The following KCNIP4 variants were observed in gnomAD, a reference collection of about 807,000 sequenced individuals.
The protein encoded by KCNIP4 is Kv channel-interacting protein 4.
KCNIP4 carries 12 observed loss-of-function variants against 34.0 expected under a neutral mutation model. The ratio of observed to expected loss-of-function variants is 0.35; its 90% CI spans 0.23 to 0.57. The LOEUF (loss-of-function observed/expected upper bound fraction) is 0.57, where lower values mean the gene tolerates loss of function less well. Ranked by LOEUF, KCNIP4 falls within the 20% of genes least tolerant of loss-of-function variation. The pLI is 0.83. For missense variants in KCNIP4, 238 were observed against 311.7 expected, an observed-to-expected ratio of 0.76 and a Z score of 1.78; for synonymous variants, 124 against 102.2, an observed-to-expected ratio of 1.21 and a Z score of -1.29.
At chr4:21,734,933 T>G (rs906482856) in intron 1 of KCNIP4, among the ~76,000 whole-genome samples, 3 of 152,090 alleles carry the variant, frequency 2.0e-5, no homozygotes, top group African/African-American at 7.2e-5. Context: ...ATAGAATGAC[T>G]TCGCTCCTAT....
chr4:20,977,743 T>C (rs1390116477), intron 1 of KCNIP4, among the ~76,000 whole-genome samples: 2 of 152,208 alleles, frequency 1.3e-5, no homozygotes, highest in African/African-American at 4.8e-5. Flanking sequence ...AAAAATATAG[T>C]TCAATTTTCT....
chr4:20,917,587 A>G (rs1296048635), intron 1 of KCNIP4, among the ~76,000 whole-genome samples: 1 of 152,176 alleles, frequency 6.6e-6, no homozygotes, highest in Admixed American at 6.5e-5. Context: ...ACGAAAATAA[A>G]TAAGATTTTT....
chr4:20,812,882 G>C (rs1411868150), intron 3 of KCNIP4, among the ~76,000 whole-genome samples: 1 of 152,062 alleles, frequency 6.6e-6, no homozygotes, highest in African/African-American at 2.4e-5. Context: ...ATAACCTTGA[G>C]ACAGTGTGGT....
At chr4:21,792,144 T>C (rs1720333193) in intron 1 of KCNIP4, among the ~76,000 whole-genome samples, 1 of 151,952 alleles carries the variant, frequency 6.6e-6, no homozygotes, top group African/African-American at 2.4e-5. Flanking sequence ...ATCTCTCTTG[T>C]TTCTCTCTCT....
At chr4:21,687,199 T>C (rs1261299223) in intron 1 of KCNIP4, among the ~76,000 whole-genome samples, 1 of 137,532 alleles carries the variant, frequency 7.3e-6, no homozygotes, top group African/African-American at 2.7e-5. Context: ...GGGATAGCAT[T>C]GGGAGATATA....
intron 1 of KCNIP4, among the ~76,000 whole-genome samples, chr4:21,177,562 C>A (rs539521225): frequency 6.6e-6 from 1 of 152,162 alleles, no homozygotes; most frequent in East Asian, 1.9e-4. Flanking sequence ...CACAGCGGCT[C>A]ACACCTGTAG....
At chr4:20,813,377 G>T (rs1283729517) in intron 3 of KCNIP4, among the ~76,000 whole-genome samples, 1 of 152,108 alleles carries the variant, frequency 6.6e-6, no homozygotes, top group East Asian at 1.9e-4. Flanking sequence ...AGGCACAAAG[G>T]TGTCATTGAG....
At chr4:21,916,945 G>T (rs902760038) in intron 1 of KCNIP4, among the ~76,000 whole-genome samples, 4 of 152,038 alleles carry the variant, frequency 2.6e-5, no homozygotes, top group African/African-American at 7.2e-5. Flanking sequence ...CTCTCCTCCT[G>T]CACCTCTCTC....
chr4:21,166,125 G>T (rs1272432740), intron 1 of KCNIP4, among the ~76,000 whole-genome samples: 1 of 152,154 alleles, frequency 6.6e-6, no homozygotes, highest in Non-Finnish European at 1.5e-5. Flanking sequence ...CCCAGTCTAA[G>T]GTTTTTTGTT....
At chr4:21,488,398 C>T (rs569762245) in intron 1 of KCNIP4, among the ~76,000 whole-genome samples, 26 of 152,172 alleles carry the variant, frequency 1.7e-4, no homozygotes, top group African/African-American at 6.3e-4. Context: ...TTTAAAACTA[C>T]CATTTTTAAA....
intron 1 of KCNIP4, among the ~76,000 whole-genome samples, chr4:21,106,464 C>T (rs1031515297): frequency 3.5e-4 from 53 of 151,398 alleles, no homozygotes; most frequent in African/African-American, 5.9e-4. Context: ...CATTTTTTAT[C>T]GCATCTATTT....
chr4:21,214,747 T>G (rs1757444736), intron 1 of KCNIP4, among the ~76,000 whole-genome samples: 1 of 152,226 alleles, frequency 6.6e-6, no homozygotes, highest in Non-Finnish European at 1.5e-5. Flanking sequence ...CTACACAGTT[T>G]ATACTTCTTT....
At chr4:21,271,572 C>CA (rs200693858) in intron 1 of KCNIP4, among the ~76,000 whole-genome samples, 321 of 151,350 alleles carry the variant, frequency 2.1e-3, no homozygotes, top group African/African-American at 7.4e-3. Context: ...TGATGGGGTC[C>CA]AAAAAAAAGA....
At chr4:20,994,080 A>G (rs1297064531) in intron 1 of KCNIP4, among the ~76,000 whole-genome samples, 1 of 152,118 alleles carries the variant, frequency 6.6e-6, no homozygotes, top group Non-Finnish European at 1.5e-5. Context: ...TCCACCATAC[A>G]ATTCTTATTT....
intron 1 of KCNIP4, among the ~76,000 whole-genome samples, chr4:21,381,511 A>G (rs1721501919): frequency 6.6e-6 from 1 of 152,156 alleles, no homozygotes; most frequent in African/African-American, 2.4e-5. Flanking sequence ...CTCCCACCCA[A>G]ATCCTTTCAA....
At chr4:21,645,722 G>A (rs770802132) in intron 1 of KCNIP4, among the ~76,000 whole-genome samples, 13 of 152,150 alleles carry the variant, frequency 8.5e-5, no homozygotes, top group Non-Finnish European at 1.6e-4. Context: ...TTTCACGTCT[G>A]TCTGGGATGC....
chr4:20,810,281 C>T (rs13104272), intron 3 of KCNIP4, among the ~76,000 whole-genome samples: 6,472 of 152,170 alleles, frequency 0.043, 224 homozygotes, highest in Admixed American at 0.12. Flanking sequence ...TTGTATCGTC[C>T]CCTCTGGCAT....
intron 1 of KCNIP4, among the ~76,000 whole-genome samples, chr4:21,626,383 T>C (rs1745321851): frequency 2.2e-5 from 3 of 136,144 alleles, no homozygotes; most frequent in African/African-American, 7.9e-5. Flanking sequence ...AGAGCTTGTT[T>C]TTTTTGTTTT....
intron 1 of KCNIP4, among the ~76,000 whole-genome samples, chr4:21,880,531 A>G (rs1372058837): frequency 1.3e-5 from 2 of 152,220 alleles, no homozygotes; most frequent in Non-Finnish European, 2.9e-5. Flanking sequence ...GAGGTTGAAC[A>G]TATTTGATCT....
Sources: gnomAD v4.1 joint callset for allele counts (sites outside exome capture counted in the v4.1 genomes callset) on GRCh38, gnomAD v4.1.1 for gene constraint, MANE v1.5 for transcripts, NCBI Gene and HGNC (gene_info 2026-07-23, HGNC 2026-07-21) for gene names.